UTY: variants seen among roughly 807,000 people sequenced by gnomAD.
UTY encodes the protein ubiquitously transcribed tetratricopeptide repeat containing, Y-linked, also known as histone demethylase UTY.
In UTY, 12 loss-of-function variants were observed where a neutral mutation model predicts 32.5. That is an observed-to-expected ratio of 0.37 (90% CI 0.24 to 0.60). UTY has a LOEUF of 0.60. UTY is among the 20% of genes least tolerant of loss of function. UTY has a pLI of 0.69. For missense variants in UTY, 303 were observed against 299.2 expected, an observed-to-expected ratio of 1.01 and a Z score of -0.09; for synonymous variants, 131 against 103.4, an observed-to-expected ratio of 1.27 and a Z score of -1.62.
At chrY:13,285,672 G>C (rs2057310017) in intron 27 of UTY, among the ~76,000 whole-genome samples, 3 of 34,006 alleles carry the variant, frequency 8.8e-5, no homozygotes, top group Non-Finnish European at 2.2e-4. Flanking sequence ...TCCTGGCCAA[G>C]GCCAGTGGCC....
At chrY:13,267,574 T>C in intron 27 of UTY, among the ~76,000 whole-genome samples, 1 of 33,746 alleles carries the variant, frequency 3.0e-5, no homozygotes, top group African/African-American at 1.2e-4. Context: ...ATTATAATGC[T>C]AGCCCATTTA....
chrY:13,454,342 A>T (rs1006235370), intron 3 of UTY, among the ~76,000 whole-genome samples: 20 of 33,486 alleles, frequency 6.0e-4, no homozygotes, highest in African/African-American at 2.3e-3. Context: ...AAAAAAACCA[A>T]AGCATTCATC....
intron 8 of UTY, 23 bp from the exon 9 acceptor site, chrY:13,369,372 T>C: frequency 1.3e-5 from 3 of 234,789 alleles, no homozygotes; most frequent in Non-Finnish European, 1.8e-5. Context: ...GGAAAAAGAA[T>C]ATTTAGAGAA....
In UTY at chrY:13,449,028, C is replaced by T; in HGVS notation, c.364G>A (p.Asp122Asn). The stretch of plus-strand genomic sequence containing the variant: ...AAATTTGTACCAACCTTCCAGTAGT[C>T]AGCCTGTAAACTGTAATATCTCTGA... ...AYQRYYSLQA[D>N]YWKNAAFLYG... The change falls in exon 4 of 30, where the codon GAC (aspartate) becomes AAC (asparagine). Residue 122 changes from aspartate to asparagine, a missense_variant. Physicochemically the swap from Asp to Asn is conservative, Grantham distance 23. Transcript: ENST00000545955. 2.6e-6 allele frequency: 1 copy of T among 386,712 alleles called. No individual in the cohort carries two copies. Among genetic ancestry groups the T allele is most frequent in the Non-Finnish European group, 3.6e-6 (1 of 277,053 alleles).
intron 4 of UTY, among the ~76,000 whole-genome samples, chrY:13,442,145 C>T (rs2075253859): frequency 3.0e-5 from 1 of 33,859 alleles, no homozygotes; most frequent in Non-Finnish European, 7.4e-5. Context: ...ATGAGAAATG[C>T]GGTTTATCAA....
chrY:13,472,678 T>C (rs2078623530), intron 2 of UTY, among the ~76,000 whole-genome samples: 1 of 33,839 alleles, frequency 3.0e-5, no homozygotes, highest in Non-Finnish European at 7.3e-5. Context: ...AATGGATAAC[T>C]GGATAAAGAA....
chrY:13,342,403 C>T, intron 17 of UTY, among the ~76,000 whole-genome samples: 1 of 34,070 alleles, frequency 2.9e-5, no homozygotes, highest in Non-Finnish European at 7.3e-5. Flanking sequence ...AGCTACATCA[C>T]ATGCCATTGT....
chrY:13,287,625 C>A, intron 27 of UTY, among the ~76,000 whole-genome samples: 1 of 31,659 alleles, frequency 3.2e-5, no homozygotes, highest in Non-Finnish European at 7.7e-5. Flanking sequence ...CACACACACA[C>A]AAAAAAAGTT....
At chrY:13,412,956 A>G in intron 5 of UTY, among the ~76,000 whole-genome samples, 2 of 33,402 alleles carry the variant, frequency 6.0e-5, no homozygotes, top group African/African-American at 1.2e-4. Flanking sequence ...ATTCAAGCCA[A>G]AGAAAGCCTG....
At chrY:13,238,979 C>G in intron 28 of UTY, among the ~76,000 whole-genome samples, 3 of 33,253 alleles carry the variant, frequency 9.0e-5, no homozygotes, top group Non-Finnish European at 2.2e-4. Context: ...AGGAATAGAT[C>G]CAAATAAAAA....
chrY:13,378,977 C>T (rs770287137), intron 8 of UTY, among the ~76,000 whole-genome samples: 10 of 31,907 alleles, frequency 3.1e-4, no homozygotes, highest in Admixed American at 2.9e-3. Context: ...ACGTGAGCCA[C>T]GGGACCCCAC....
chrY:13,234,753 G>A, exon 29 of UTY: 1 of 130,068 alleles, frequency 7.7e-6, no homozygotes. Flanking sequence ...AGCTCTGCCT[G>A]AACCCAGGGC....
intron 8 of UTY, among the ~76,000 whole-genome samples, chrY:13,369,555 G>T (rs34486382): frequency 1.3e-4 from 4 of 30,926 alleles, no homozygotes. Context: ...TAGCAATGAA[G>T]ATTTACATAC....
chrY:13,351,733 C>T, intron 17 of UTY, among the ~76,000 whole-genome samples: 1 of 33,390 alleles, frequency 3.0e-5, no homozygotes, highest in Non-Finnish European at 7.4e-5. Context: ...TAACAGTTGC[C>T]CCCAGGTAAC....
chrY:13,368,026 A>G (rs2064376135), intron 9 of UTY, among the ~76,000 whole-genome samples: 1 of 31,235 alleles, frequency 3.2e-5, no homozygotes, highest in Non-Finnish European at 7.8e-5. Context: ...CAGTAGGGGA[A>G]GTCCAGAATC....
chrY:13,359,132 C>T lies in UTY; in HGVS notation c.1276G>A (p.Ala426Thr). Residue 426 changes from alanine to threonine, a missense_variant, in exon 13 of 30, where the codon GCA (alanine) becomes ACA (threonine). Ala to Thr is a moderately conservative substitution (Grantham distance 58). Coordinates refer to ENST00000545955, the MANE Select transcript of UTY (RefSeq NM_001258249.2). ...IEEAWSLPIP[A>T]ELTSRQGAMN... Reference sequence around the variant, plus strand: ...GCACCCTGCCTGGAGGTAAGCTCTGCGGGGATTGGTAGGCTCCATGCCTCC... The same window carrying T: ...GCACCCTGCCTGGAGGTAAGCTCTGTGGGGATTGGTAGGCTCCATGCCTCC... 3.5e-5 allele frequency: 14 copies of T among 395,029 alleles called. No homozygotes were observed. Among genetic ancestry groups the T allele is most frequent in the Non-Finnish European group, 4.6e-5 (13 of 281,745 alleles).
At chrY:13,338,728 AG>A (rs2061302445) in intron 17 of UTY, among the ~76,000 whole-genome samples, 1 of 33,022 alleles carries the variant, frequency 3.0e-5, no homozygotes, top group Non-Finnish European at 7.4e-5. Flanking sequence ...ACCTAATAGT[AG>A]TAGTAATGGA....
At chrY:13,311,931 G>C (rs1015495511) in intron 21 of UTY, among the ~76,000 whole-genome samples, 9 of 33,413 alleles carry the variant, frequency 2.7e-4, no homozygotes, top group Non-Finnish European at 5.1e-4. Context: ...ACTATCAACA[G>C]AGTAAACAGA....
At chrY:13,435,827 TGCCCCTGATAGC>T (rs2149898264) in intron 4 of UTY, among the ~76,000 whole-genome samples, 1 of 33,544 alleles carries the variant, frequency 3.0e-5, no homozygotes, top group Non-Finnish European at 7.4e-5. Flanking sequence ...CCCAAGGCCC[TGCCCCTGATAGC>T]GCAGGAAGGA....
Sources: allele counts gnomAD v4.1 joint callset (sites outside exome capture counted in the v4.1 genomes callset), GRCh38; gene constraint gnomAD v4.1.1; transcripts MANE v1.5; gene names NCBI Gene and HGNC (gene_info 2026-07-23, HGNC 2026-07-21).